The following ARL15 variants were observed in gnomAD, a reference collection of about 807,000 sequenced individuals.
ARL15 encodes the protein ARF like GTPase 15.
ARL15 carries 19 observed loss-of-function variants against 25.2 expected under a neutral mutation model. The ratio of observed to expected loss-of-function variants is 0.75; its 90% CI spans 0.53 to 1.10. The LOEUF is 1.10. ARL15 is among the 50% of genes least tolerant of loss of function. The probability of loss-of-function intolerance (pLI) is 0.00; values close to 1 mark genes in which losing one functional copy is unlikely to be tolerated. For synonymous variants in ARL15, 94 were observed against 86.8 expected, an observed-to-expected ratio of 1.08 and a Z score of -0.46; for missense variants, 220 against 246.0, an observed-to-expected ratio of 0.89 and a Z score of 0.71.
At chr5:54,002,789 C>T (rs1363382452) in intron 4 of ARL15, among the ~76,000 whole-genome samples, 1 of 152,162 alleles carries the variant, frequency 6.6e-6, no homozygotes, top group African/African-American at 2.4e-5. Flanking sequence ...TCACAGGTCT[C>T]TTCTTGCTGC....
chr5:54,073,268 T>C (rs1751481688), intron 4 of ARL15, among the ~76,000 whole-genome samples: 1 of 152,312 alleles, frequency 6.6e-6, no homozygotes. Context: ...AATATGTACA[T>C]TTATTTTAAA....
Position 53,941,202 on chromosome 5 carries a change from T to A in ARL15, c.463-54489A>T, listed in dbSNP as rs1396196982. Among the ~76,000 whole-genome samples, 5 of 152,276 alleles carry A rather than the reference T, an allele frequency of 3.3e-5. No individual in the cohort carries two copies. In the South Asian group the frequency reaches 1.0e-3, roughly 32 times the overall value. On this transcript the variant is annotated intron_variant, in intron 4 of 4. Coordinates refer to ENST00000504924, the MANE Select transcript of ARL15 (RefSeq NM_019087.3). ...ACTTCTGTATAAGCTTTTTTAATATTTAAGATATGAAGAAATCCAACATTA... is the reference window on the plus strand; with the variant it reads ...ACTTCTGTATAAGCTTTTTTAATATATAAGATATGAAGAAATCCAACATTA...
intron 1 of ARL15, among the ~76,000 whole-genome samples, chr5:54,230,393 G>GA (rs1236134246): frequency 2.7e-5 from 4 of 148,808 alleles, no homozygotes; most frequent in Non-Finnish European, 6.0e-5. Flanking sequence ...AAGAAAGAAT[G>GA]AAAAGAAAAG....
intron 4 of ARL15, among the ~76,000 whole-genome samples, chr5:53,978,554 G>A (rs2111574163): frequency 7.0e-6 from 1 of 143,344 alleles, no homozygotes; most frequent in South Asian, 2.3e-4. Context: ...GGGAGGCCAA[G>A]ATGGGAGAAT....
intron 2 of ARL15, among the ~76,000 whole-genome samples, chr5:54,171,091 C>T (rs1754704367): frequency 6.6e-6 from 1 of 152,186 alleles, no homozygotes; most frequent in South Asian, 2.1e-4. Flanking sequence ...GCCAGGATTT[C>T]TCACTAATAA....
At chr5:53,958,151 A>C (rs948872397) in intron 4 of ARL15, among the ~76,000 whole-genome samples, 1 of 152,108 alleles carries the variant, frequency 6.6e-6, no homozygotes, top group African/African-American at 2.4e-5. Context: ...AGGAGGTTGC[A>C]GTGAGTGAAG....
chr5:53,965,716 T>C (rs1747535334), intron 4 of ARL15, among the ~76,000 whole-genome samples: 2 of 152,222 alleles, frequency 1.3e-5, no homozygotes, highest in South Asian at 2.1e-4. Flanking sequence ...TGGACTTGAC[T>C]ATATCAGTGC....
intron 1 of ARL15, among the ~76,000 whole-genome samples, chr5:54,219,473 T>C (rs1038817110): frequency 2.6e-5 from 4 of 152,162 alleles, no homozygotes; most frequent in Non-Finnish European, 5.9e-5. Context: ...GGCCTAAAAC[T>C]TTCCTTGTTT....
At chr5:54,189,131 A>T (rs1421495314) in intron 1 of ARL15, among the ~76,000 whole-genome samples, 1 of 152,184 alleles carries the variant, frequency 6.6e-6, no homozygotes, top group Non-Finnish European at 1.5e-5. Flanking sequence ...AAAAGCTTGT[A>T]CAATAAAAGC....
intron 4 of ARL15, among the ~76,000 whole-genome samples, chr5:54,052,680 G>C (rs1451570514): frequency 6.6e-6 from 1 of 152,036 alleles, no homozygotes; most frequent in East Asian, 1.9e-4. Context: ...CTCATATTTA[G>C]TTTAATATAC....
At chr5:54,307,001 A>C (rs1480833967) in intron 1 of ARL15, among the ~76,000 whole-genome samples, 1 of 152,222 alleles carries the variant, frequency 6.6e-6, no homozygotes, top group African/African-American at 2.4e-5. Context: ...AAAGCTCTGC[A>C]CATTGTGTTA....
intron 1 of ARL15, among the ~76,000 whole-genome samples, chr5:54,238,794 G>C (rs1756878159): frequency 6.6e-6 from 1 of 152,192 alleles, no homozygotes; most frequent in African/African-American, 2.4e-5. Flanking sequence ...GGTATCCTCA[G>C]AAACAGGAAC....
intron 4 of ARL15, among the ~76,000 whole-genome samples, chr5:53,982,484 CTTCATCCATGTCCCTGCAAAGGACATGGA>C (rs1169470361): frequency 6.6e-6 from 1 of 152,002 alleles, no homozygotes; most frequent in Non-Finnish European, 1.5e-5. Flanking sequence ...TGGTTTCCAG[CTTCATCCATGTCCCTGCAAAGGACATGGA>C]TTCATCCTTT....
At chr5:54,022,501 C>T (rs781675060) in intron 4 of ARL15, among the ~76,000 whole-genome samples, 6 of 152,098 alleles carry the variant, frequency 3.9e-5, no homozygotes, top group Non-Finnish European at 7.3e-5. Context: ...AGAAGATTAG[C>T]TCACAGGAAA....
At chr5:54,168,113 T>C (rs770613521) in intron 2 of ARL15, among the ~76,000 whole-genome samples, 1 of 152,240 alleles carries the variant, frequency 6.6e-6, no homozygotes, top group Non-Finnish European at 1.5e-5. Context: ...TGTTAACTGA[T>C]ATATCCTCAG....
At chr5:53,907,759 T>C (rs1460852229) in intron 4 of ARL15, among the ~76,000 whole-genome samples, 1 of 151,436 alleles carries the variant, frequency 6.6e-6, no homozygotes. Context: ...GCCTCCCAAA[T>C]TGCTAGGATT....
At chr5:54,060,128 CTA>C (rs1491210051) in intron 4 of ARL15, among the ~76,000 whole-genome samples, 2 of 64,806 alleles carry the variant, frequency 3.1e-5, no homozygotes, top group African/African-American at 1.2e-4. Context: ...GATCTGATGA[CTA>C]AAAAAAAAAA....
intron 4 of ARL15, among the ~76,000 whole-genome samples, chr5:54,008,101 A>G (rs914473483): frequency 8.5e-5 from 13 of 152,162 alleles, no homozygotes; most frequent in African/African-American, 2.9e-4. Flanking sequence ...AACTTCTATA[A>G]CTCAGAAACA....
chr5:53,887,385 T>C, intron 4 of ARL15: 1 of 700,510 alleles, frequency 1.4e-6, no homozygotes, highest in African/African-American at 1.7e-5. Context: ...CTGAATTTTC[T>C]AGGATGGAAA....
Sources: gnomAD v4.1 joint callset for allele counts (sites outside exome capture counted in the v4.1 genomes callset) on GRCh38, gnomAD v4.1.1 for gene constraint, MANE v1.5 for transcripts, NCBI Gene and HGNC (gene_info 2026-07-23, HGNC 2026-07-21) for gene names.